The following RERG variants were observed in gnomAD, a reference collection of about 807,000 sequenced individuals.
RERG encodes ras-related and estrogen-regulated growth inhibitor.
RERG carries 25 observed loss-of-function variants against 23.2 expected under a neutral mutation model. That is an observed-to-expected ratio of 1.08 (90% CI 0.79 to 1.50). The LOEUF (loss-of-function observed/expected upper bound fraction) is 1.50, where lower values mean the gene tolerates loss of function less well. Ranked by LOEUF, RERG falls within the 40% of genes most tolerant of loss-of-function variation. The probability of loss-of-function intolerance (pLI) is 0.00; values close to 1 mark genes in which losing one functional copy is unlikely to be tolerated. For missense variants in RERG, 253 were observed against 250.1 expected (o/e 1.01, Z -0.08); for synonymous variants, 81 against 89.1 (o/e 0.91, Z 0.51).
intron 2 of RERG, among the ~76,000 whole-genome samples, chr12:15,168,475 T>G (rs1193324074): frequency 6.6e-6 from 1 of 152,216 alleles, no homozygotes; most frequent in Non-Finnish European, 1.5e-5. Context: ...GTTGTTTTGA[T>G]GATCAAAATC....
chr12:15,197,842 G>C (rs983352907), intron 2 of RERG, among the ~76,000 whole-genome samples: 22 of 152,104 alleles, frequency 1.4e-4, no homozygotes, highest in African/African-American at 5.3e-4. Flanking sequence ...GCGGTGCAGA[G>C]AAAAAGGACG....
chr12:15,137,984 A>G (rs1023399544), intron 2 of RERG: 2 of 379,014 alleles, frequency 5.3e-6, no homozygotes, highest in Admixed American at 3.3e-5. Flanking sequence ...TTGTTGCCCA[A>G]GAAAGTCTTA....
At chr12:15,204,757 C>T (rs1361686121) in intron 2 of RERG, among the ~76,000 whole-genome samples, 1 of 151,814 alleles carries the variant, frequency 6.6e-6, no homozygotes, top group Non-Finnish European at 1.5e-5. Flanking sequence ...TTGTTATATA[C>T]AATTTAAATA....
chr12:15,135,460 G>C (rs546621475), intron 2 of RERG, among the ~76,000 whole-genome samples: 1 of 152,224 alleles, frequency 6.6e-6, no homozygotes, highest in African/African-American at 2.4e-5. Flanking sequence ...CTGGTCAAAG[G>C]AGTCATTCTT....
At chr12:15,153,978 T>A (rs1327245787) in intron 2 of RERG, among the ~76,000 whole-genome samples, 2 of 151,952 alleles carry the variant, frequency 1.3e-5, no homozygotes, top group African/African-American at 4.8e-5. Flanking sequence ...TATGGAAACA[T>A]AAGGAGAACA....
intron 2 of RERG, among the ~76,000 whole-genome samples, chr12:15,151,304 T>G (rs1230901622): frequency 6.6e-6 from 1 of 152,212 alleles, no homozygotes; most frequent in Non-Finnish European, 1.5e-5. Context: ...AACATGCCTA[T>G]TTCTCCTTTG....
intron 1 of RERG, among the ~76,000 whole-genome samples, chr12:15,220,523 C>T (rs976927715): frequency 2.6e-4 from 40 of 150,986 alleles, no homozygotes; most frequent in African/African-American, 9.5e-4. Context: ...ATAACTGTAA[C>T]CTTATTTACT....
intron 2 of RERG, among the ~76,000 whole-genome samples, chr12:15,135,572 G>A (rs571282357): frequency 2.6e-5 from 4 of 152,146 alleles, no homozygotes; most frequent in African/African-American, 7.2e-5. Flanking sequence ...AGTTGAGAAA[G>A]TTCTCCTCTA....
rs190555499 is a variant in RERG, at chr12:15,149,030, G to A, written c.62-27911C>T. ...ACTACAGGCGCCCGCCACCACGCCC[G>A]GCTAATTTTTTGTATTCTTTAGTAG... On this transcript the variant is annotated intron_variant, in intron 2 of 4. Coordinates refer to ENST00000256953, the MANE Select transcript of RERG (RefSeq NM_032918.3). 1.9e-3 allele frequency among the ~76,000 whole-genome samples: 294 copies of A among 151,360 alleles called. 2 individuals carry two copies. The highest frequency in any genetic ancestry group is 6.7e-3 in the African/African-American group (277 of 41,310).
intron 2 of RERG, among the ~76,000 whole-genome samples, chr12:15,178,021 T>TAGA (rs1864876016): frequency 6.6e-6 from 1 of 152,126 alleles, no homozygotes; most frequent in African/African-American, 2.4e-5. Flanking sequence ...ACTTTTTAGC[T>TAGA]TCTTTCTCAA....
intron 2 of RERG, among the ~76,000 whole-genome samples, chr12:15,167,587 T>C (rs896937544): frequency 3.3e-5 from 5 of 152,200 alleles, no homozygotes; most frequent in Admixed American, 2.6e-4. Context: ...GGTATCTAAA[T>C]TGACCCTTTA....
At chr12:15,141,565 A>C (rs1373837797) in intron 2 of RERG, among the ~76,000 whole-genome samples, 2 of 152,012 alleles carry the variant, frequency 1.3e-5, no homozygotes, top group Non-Finnish European at 2.9e-5. Flanking sequence ...AATATTAGAG[A>C]ACATTTCACA....
chr12:15,192,268 G>A (rs1021586097), intron 2 of RERG, among the ~76,000 whole-genome samples: 3 of 152,068 alleles, frequency 2.0e-5, no homozygotes, highest in African/African-American at 7.2e-5. Flanking sequence ...TGCCTTCTGC[G>A]ATGATTGGAA....
chr12:15,193,445 C>T (rs35949897), intron 2 of RERG, among the ~76,000 whole-genome samples: 41,453 of 151,928 alleles, frequency 0.27, 6,807 homozygotes, highest in African/African-American at 0.47. Flanking sequence ...TGTTCCATAC[C>T]AATCTTCATC....
At chr12:15,119,191 G>C (rs1250571267) in intron 3 of RERG, among the ~76,000 whole-genome samples, 2 of 152,138 alleles carry the variant, frequency 1.3e-5, no homozygotes, top group Non-Finnish European at 2.9e-5. Context: ...CATCCTCTTT[G>C]AGAAGTACTG....
chr12:15,184,329 A>G (rs1416261393), intron 2 of RERG, among the ~76,000 whole-genome samples: 1 of 152,210 alleles, frequency 6.6e-6, no homozygotes, highest in African/African-American at 2.4e-5. Flanking sequence ...CAAGAGGGAA[A>G]AATATTCCTT....
chr12:15,157,866 G>A (rs909691060), intron 2 of RERG, among the ~76,000 whole-genome samples: 1 of 151,940 alleles, frequency 6.6e-6, no homozygotes, highest in Non-Finnish European at 1.5e-5. Context: ...TGTTTATCCA[G>A]ATCCACAAAC....
chr12:15,143,380 T>C (rs1257326528), intron 2 of RERG, among the ~76,000 whole-genome samples: 5 of 151,274 alleles, frequency 3.3e-5, no homozygotes, highest in Admixed American at 2.6e-4. Context: ...TATACACACA[T>C]GTGTGTTTAT....
intron 2 of RERG, among the ~76,000 whole-genome samples, chr12:15,166,523 A>ATGGTGGTGGTGGTGG (rs148048968): frequency 1.3e-5 from 2 of 148,836 alleles, no homozygotes; most frequent in Non-Finnish European, 3.0e-5. Context: ...GATGGTGGTG[A>ATGGTGGTGGTGGTGG]TGGTGGTGGT....
Sources: gnomAD v4.1 joint callset for allele counts (sites outside exome capture counted in the v4.1 genomes callset) on GRCh38, gnomAD v4.1.1 for gene constraint, MANE v1.5 for transcripts, NCBI Gene and HGNC (gene_info 2026-07-23, HGNC 2026-07-21) for gene names.